The following ATP8B4 variants were observed in gnomAD, a reference collection of about 807,000 sequenced individuals.
The protein encoded by ATP8B4 is ATPase phospholipid transporting 8B4 (putative).
Under a neutral mutation model 145.6 loss-of-function variants are expected in ATP8B4, and 133 were observed. That is an observed-to-expected ratio of 0.91 (90% CI 0.79 to 1.05). The LOEUF (loss-of-function observed/expected upper bound fraction) is 1.05, where lower values mean the gene tolerates loss of function less well. ATP8B4 is among the 50% of genes least tolerant of loss of function. The probability of loss-of-function intolerance (pLI) is 0.00; values close to 1 mark genes in which losing one functional copy is unlikely to be tolerated. For synonymous variants in ATP8B4, 507 were observed against 492.9 expected (o/e 1.03, Z -0.38); for missense variants, 1,458 against 1,425.2 (o/e 1.02, Z -0.37).
At chr15:50,090,732 A>C (rs2055556805) in intron 2 of ATP8B4, among the ~76,000 whole-genome samples, 1 of 152,188 alleles carries the variant, frequency 6.6e-6, no homozygotes. Context: ...AAACAAGATC[A>C]TACTAGCCAA....
chr15:50,087,137 A>ATATT lies in ATP8B4; in HGVS notation c.29-12956_29-12953dup, dbSNP rs1450286307. On this transcript the variant is annotated intron_variant, in intron 2 of 27. Coordinates refer to ENST00000284509, the MANE Select transcript of ATP8B4 (RefSeq NM_024837.4). ...TTTATTATATATAATATATAGATCT[A>ATATT]TATTTATTATATATAATATATAGAT... is the stretch of plus-strand genomic sequence containing the variant. Among the ~76,000 whole-genome samples the ATATT allele has an allele frequency of 2.4e-5, 3 of 126,914 alleles. No individual in the cohort carries two copies. In the South Asian group the frequency reaches 7.0e-4, roughly 30 times the overall value. The allele number at this position is 126,914 out of a possible 152,430, so 83.3% of individuals were successfully genotyped here. A position where few individuals can be genotyped will look rare whatever the true frequency, so the allele number is the denominator to read the frequency against.
chr15:50,142,679 C>T (rs778135174), intron 1 of ATP8B4, among the ~76,000 whole-genome samples: 10 of 152,172 alleles, frequency 6.6e-5, no homozygotes, highest in African/African-American at 9.7e-5. Context: ...TGAAAAGAGG[C>T]TGATGTCCAG....
intron 3 of ATP8B4, among the ~76,000 whole-genome samples, chr15:50,064,922 G>A (rs112144322): frequency 0.028 from 4,278 of 152,204 alleles, 99 homozygotes; most frequent in Middle Eastern, 0.041. Context: ...TCACTATCAT[G>A]AGAACAACAC....
At chr15:49,942,422 T>C (rs1352169870) in intron 14 of ATP8B4, among the ~76,000 whole-genome samples, 1 of 151,174 alleles carries the variant, frequency 6.6e-6, no homozygotes, top group Non-Finnish European at 1.5e-5. Context: ...GGGGAGGAGG[T>C]ATTTAGAAAA....
chr15:49,872,987 T>C (rs1376938331), intron 25 of ATP8B4, among the ~76,000 whole-genome samples: 3 of 152,246 alleles, frequency 2.0e-5, no homozygotes, highest in Non-Finnish European at 4.4e-5. Context: ...GGAACTGTCT[T>C]TGCAGTATCT....
chr15:49,882,152 G>A (rs1017216492), intron 23 of ATP8B4, among the ~76,000 whole-genome samples: 1 of 152,022 alleles, frequency 6.6e-6, no homozygotes, highest in African/African-American at 2.4e-5. Flanking sequence ...TCTCCCTTCA[G>A]CCCAGGAAAC....
chr15:50,160,645 G>A (rs757478485), intron 1 of ATP8B4, among the ~76,000 whole-genome samples: 6 of 151,312 alleles, frequency 4.0e-5, no homozygotes, highest in Non-Finnish European at 8.9e-5. Flanking sequence ...TGGTCATTCA[G>A]GAGCATATAG....
chr15:49,903,384 G>T (rs1410432937), intron 20 of ATP8B4, among the ~76,000 whole-genome samples: 1 of 152,142 alleles, frequency 6.6e-6, no homozygotes, highest in Admixed American at 6.5e-5. Context: ...TCCAAGCTGC[G>T]TAATGAAGGG....
At chr15:49,893,716 C>A (rs1196397635) in intron 23 of ATP8B4, among the ~76,000 whole-genome samples, 2 of 152,120 alleles carry the variant, frequency 1.3e-5, no homozygotes, top group African/African-American at 4.8e-5. Flanking sequence ...TTTTAGAGAT[C>A]TGTTACATAA....
chr15:50,156,056 T>TAATA (rs1275840712), intron 1 of ATP8B4, among the ~76,000 whole-genome samples: 84 of 85,984 alleles, frequency 9.8e-4, no homozygotes, highest in Middle Eastern at 6.5e-3. Flanking sequence ...GAATTCTTGG[T>TAATA]AATAAATAAA....
rs539531870 is a variant in ATP8B4, at chr15:50,151,288, T to C, written c.-43+30973A>G. On this transcript the variant is annotated intron_variant, in intron 1 of 3. Transcript: ENST00000558829. ...GCTTTTCTTTAGAAACATAACTTTT[T>C]CTATACATATTAATCACATAGGAAG... is the stretch of plus-strand genomic sequence containing the variant. 5.9e-5 allele frequency among the ~76,000 whole-genome samples: 9 copies of C among 152,338 alleles called. No individual in the cohort carries two copies. The East Asian group carries it at 1.7e-3, about 29-fold the overall frequency.
In ATP8B4 at chr15:49,901,244, A is replaced by C. The variant is rs1566954619; in HGVS notation, c.2142-5T>G. 1 of 1,612,476 alleles carries C rather than the reference A, an allele frequency of 6.2e-7. No homozygotes were observed. The highest frequency in any genetic ancestry group is 8.5e-7 in the Non-Finnish European group (1 of 1,178,996). On this transcript the variant is annotated splice_polypyrimidine_tract_variant and splice_region_variant and intron_variant, in intron 20 of 27. Coordinates refer to ENST00000284509, the MANE Select transcript of ATP8B4 (RefSeq NM_024837.4). The stretch of plus-strand genomic sequence containing the variant: ...AACAAATTTTGTTTTGCTTTCCTTA[A>C]AGGAGAGGGTGAAAAGTGAAACATA...
At chr15:50,141,262 C>T (rs997119921) in intron 1 of ATP8B4, among the ~76,000 whole-genome samples, 3 of 151,904 alleles carry the variant, frequency 2.0e-5, no homozygotes, top group African/African-American at 7.3e-5. Flanking sequence ...TTAAGTGATG[C>T]TAACTGATTA....
At chr15:50,104,948 C>T (rs1167681334) in intron 2 of ATP8B4, among the ~76,000 whole-genome samples, 1 of 151,528 alleles carries the variant, frequency 6.6e-6, no homozygotes, top group East Asian at 1.9e-4. Context: ...ATGGCATTTG[C>T]AGCAACCTGG....
chr15:50,142,255 G>A (rs775150009), intron 1 of ATP8B4, among the ~76,000 whole-genome samples: 2 of 152,282 alleles, frequency 1.3e-5, no homozygotes, highest in South Asian at 2.1e-4. Context: ...CAACAGTGAT[G>A]TTCACTTGTT....
intron 3 of ATP8B4, among the ~76,000 whole-genome samples, chr15:50,051,432 C>T (rs1459455963): frequency 6.6e-6 from 1 of 152,080 alleles, no homozygotes; most frequent in Non-Finnish European, 1.5e-5. Flanking sequence ...CAGTTTTGTG[C>T]TACAAGTTCT....
intron 6 of ATP8B4, among the ~76,000 whole-genome samples, chr15:50,028,501 A>C (rs1018511774): frequency 6.6e-6 from 1 of 152,178 alleles, no homozygotes; most frequent in African/African-American, 2.4e-5. Context: ...CTGTATACTG[A>C]CAAGAACTTT....
chr15:50,106,818 G>A, intron 2 of ATP8B4, 121 bp downstream of exon 2: 1 of 935,166 alleles, frequency 1.1e-6, no homozygotes, highest in Non-Finnish European at 1.5e-6. Flanking sequence ...AATCGTCGAA[G>A]TTCACTGAGC....
intron 20 of ATP8B4, among the ~76,000 whole-genome samples, chr15:49,909,884 A>C (rs2039051416): frequency 6.6e-6 from 1 of 152,202 alleles, no homozygotes; most frequent in Admixed American, 6.5e-5. Context: ...AATTGGAAGA[A>C]GCGACTGTTA....
Sources: gnomAD v4.1 joint callset for allele counts (sites outside exome capture counted in the v4.1 genomes callset) on GRCh38, gnomAD v4.1.1 for gene constraint, MANE v1.5 for transcripts, NCBI Gene and HGNC (gene_info 2026-07-23, HGNC 2026-07-21) for gene names.